OSBPL1A: variants seen among roughly 807,000 people sequenced by gnomAD.
OSBPL1A encodes oxysterol-binding protein-related protein 1.
A neutral mutation model predicts 137.1 loss-of-function variants in OSBPL1A; 80 were observed. The ratio of observed to expected loss-of-function variants is 0.58; its 90% CI spans 0.49 to 0.70. The LOEUF (loss-of-function observed/expected upper bound fraction) is 0.70. Ranked by LOEUF, OSBPL1A falls within the 30% of genes least tolerant of loss-of-function variation. The probability of loss-of-function intolerance (pLI) is 0.00; values close to 1 mark genes in which losing one functional copy is unlikely to be tolerated. For synonymous variants in OSBPL1A, 365 were observed against 389.7 expected (o/e 0.94, Z 0.75); for missense variants, 970 against 1,129.4 (o/e 0.86, Z 2.02).
chr18:24,368,007 C>T (rs990190684), intron 3 of OSBPL1A: 1 of 223,882 alleles, frequency 4.5e-6, no homozygotes, highest in African/African-American at 2.3e-5. Context: ...TCAACTGTCA[C>T]ACTCAGAACT....
At position 24,321,303 on chromosome 18, in the gene OSBPL1A, A is replaced by G. The variant is rs2090850942; in HGVS notation, c.626-2494T>C. Among the ~76,000 whole-genome samples the G allele has an allele frequency of 2.0e-5, 3 of 152,138 alleles. No individual in the cohort carries two copies. The South Asian group carries it at 6.2e-4, about 31-fold the overall frequency. On this transcript the variant is annotated intron_variant, in intron 7 of 27. Transcript: ENST00000319481. ...AAGGGTGTCCTTATTTTTTACTAAT[A>G]TACTGGACTACAGATGTTCCCCAAC...
intron 14 of OSBPL1A, among the ~76,000 whole-genome samples, chr18:24,285,730 C>CTAAA (rs908028757): frequency 7.2e-5 from 11 of 152,002 alleles, no homozygotes; most frequent in Admixed American, 5.9e-4. Context: ...AGTGACAAAG[C>CTAAA]TAAAGATCAG....
In OSBPL1A at chr18:24,269,042, C is replaced by T. The variant is rs183726931; in HGVS notation, c.1281+11800G>A. 6.6e-5 allele frequency among the ~76,000 whole-genome samples: 10 copies of T among 152,272 alleles called. No individual in the cohort carries two copies. In the East Asian group the frequency reaches 1.9e-3, roughly 29 times the overall value. ...TTCATTCCCCACATTCCCTGGAGTA[C>T]CAGCTCCTATTCATGCCGTTTGTTT... On this transcript the variant is annotated intron_variant, in intron 15 of 27. Transcript: ENST00000319481.
At chr18:24,235,896 T>C (rs1296790108) in intron 16 of OSBPL1A, among the ~76,000 whole-genome samples, 1 of 152,186 alleles carries the variant, frequency 6.6e-6, no homozygotes, top group African/African-American at 2.4e-5. Flanking sequence ...CTGGATCATC[T>C]GAGTAGGTCC....
chr18:24,272,514 G>A (rs551405852), intron 15 of OSBPL1A, among the ~76,000 whole-genome samples: 152 of 152,242 alleles, frequency 1.0e-3, no homozygotes, highest in African/African-American at 3.5e-3. Flanking sequence ...CAGGCTTGAA[G>A]GGCAAAGGTT....
intron 16 of OSBPL1A, among the ~76,000 whole-genome samples, chr18:24,238,983 A>C (rs370587772): frequency 1.6e-4 from 24 of 152,338 alleles, no homozygotes; most frequent in African/African-American, 5.1e-4. Context: ...CTAGCCTAGA[A>C]TACATCTTCA....
chr18:24,325,831 CCTAAG>C (rs2090965689), intron 7 of OSBPL1A, among the ~76,000 whole-genome samples: 1 of 152,184 alleles, frequency 6.6e-6, no homozygotes, highest in African/African-American at 2.4e-5. Flanking sequence ...CAAATCTCTA[CCTAAG>C]CTAAGAAGTC....
At chr18:24,340,385 T>G (rs1224967233) in intron 5 of OSBPL1A, among the ~76,000 whole-genome samples, 1 of 152,188 alleles carries the variant, frequency 6.6e-6, no homozygotes, top group Non-Finnish European at 1.5e-5. Context: ...TCAAGAAAAC[T>G]GAGAATACCA....
intron 16 of OSBPL1A, among the ~76,000 whole-genome samples, chr18:24,229,773 C>G (rs9304455): frequency 0.89 from 134,196 of 151,540 alleles, 59,606 homozygotes; most frequent in Middle Eastern, 0.92. Flanking sequence ...TTTTTTGAGA[C>G]GAAGCCTCGC....
chr18:24,198,726 T>C (rs1240680602), intron 17 of OSBPL1A, among the ~76,000 whole-genome samples: 2 of 151,768 alleles, frequency 1.3e-5, no homozygotes, highest in Admixed American at 6.6e-5. Flanking sequence ...TCTAAGCCCA[T>C]AGCATGACGA....
intron 15 of OSBPL1A, among the ~76,000 whole-genome samples, chr18:24,246,773 AGAGT>A (rs2088904063): frequency 6.9e-6 from 1 of 145,408 alleles, no homozygotes; most frequent in African/African-American, 2.6e-5. Context: ...CCTGGGTAAC[AGAGT>A]GAGACTCTGT....
At chr18:24,279,316 C>T (rs1474205518) in intron 15 of OSBPL1A, among the ~76,000 whole-genome samples, 5 of 150,810 alleles carry the variant, frequency 3.3e-5, no homozygotes, top group Non-Finnish European at 7.4e-5. Context: ...GTAGTCCCAG[C>T]TACTTGTGAG....
chr18:24,297,297 G>A (rs561875885), intron 14 of OSBPL1A, among the ~76,000 whole-genome samples: 3 of 152,062 alleles, frequency 2.0e-5, no homozygotes, highest in Non-Finnish European at 4.4e-5. Flanking sequence ...TTTCATAATA[G>A]TTTCAAATGA....
intron 17 of OSBPL1A, among the ~76,000 whole-genome samples, chr18:24,198,181 G>A (rs948099465): frequency 8.5e-5 from 13 of 152,106 alleles, no homozygotes; most frequent in African/African-American, 2.9e-4. Flanking sequence ...GAGGGAATGA[G>A]GGCTGTCATT....
chr18:24,314,027 C>G (rs766683651), intron 12 of OSBPL1A, among the ~76,000 whole-genome samples: 13 of 152,188 alleles, frequency 8.5e-5, no homozygotes, highest in Non-Finnish European at 1.3e-4. Flanking sequence ...ATCGCCTGAG[C>G]CTGGGAGGCA....
chr18:24,347,383 C>T (rs1008005464), intron 4 of OSBPL1A, among the ~76,000 whole-genome samples: 1 of 152,038 alleles, frequency 6.6e-6, no homozygotes, highest in African/African-American at 2.4e-5. Flanking sequence ...GGGGGTTTCA[C>T]CATGTTGGCC....
chr18:24,366,739 G>T, intron 4 of OSBPL1A, 153 bp downstream of exon 4: 1 of 577,554 alleles, frequency 1.7e-6, no homozygotes. Context: ...CAGACTCAAA[G>T]ATCCTGTGGC....
chr18:24,181,128 C>T lies in OSBPL1A; in HGVS notation c.1812+17G>A. Reference sequence around the variant, plus strand: ...AAGGTCTCTAAGAGTTAGACCTTTTCCTCCCTTGGCTCATACCTGCATCCT... The same window carrying T: ...AAGGTCTCTAAGAGTTAGACCTTTTTCTCCCTTGGCTCATACCTGCATCCT... On this transcript the variant is annotated intron_variant, in intron 19 of 27. Coordinates refer to ENST00000319481, the MANE Select transcript of OSBPL1A (RefSeq NM_080597.4). The T allele has an allele frequency of 6.2e-7, 1 of 1,611,246 alleles. No homozygotes were observed. The highest frequency in any genetic ancestry group is 8.5e-7 in the Non-Finnish European group (1 of 1,178,900).
chr18:24,242,727 T>C (rs1313678725), intron 15 of OSBPL1A, among the ~76,000 whole-genome samples: 2 of 152,162 alleles, frequency 1.3e-5, no homozygotes, highest in African/African-American at 4.8e-5. Context: ...TTATTATTAT[T>C]ACAGCTGTGA....
Sources: allele counts gnomAD v4.1 joint callset (sites outside exome capture counted in the v4.1 genomes callset), GRCh38; gene constraint gnomAD v4.1.1; transcripts MANE v1.5; gene names NCBI Gene and HGNC (gene_info 2026-07-23, HGNC 2026-07-21).